Variants in CTXN2 observed in about 807,000 individuals in gnomAD.
CTXN2 encodes cortexin-2.
CTXN2 carries 3 observed loss-of-function variants against 5.7 expected under a neutral mutation model. The ratio of observed to expected loss-of-function variants is 0.53; its 90% CI spans 0.24 to 1.36. CTXN2 has a LOEUF of 1.36. CTXN2 is among the 40% of genes most tolerant of loss of function. The pLI is 0.17. For synonymous variants in CTXN2, 38 were observed against 36.4 expected (o/e 1.04, Z -0.16); for missense variants, 87 against 93.0 (o/e 0.94, Z 0.26).
chr15:48,184,515 A>G (rs552119009), intron 1 of CTXN2, among the ~76,000 whole-genome samples: 2 of 152,364 alleles, frequency 1.3e-5, no homozygotes, highest in East Asian at 3.8e-4. Context: ...AACAAAGAAG[A>G]TATGCAAATG....
intron 1 of CTXN2, among the ~76,000 whole-genome samples, chr15:48,198,542 C>T (rs1198531817): frequency 1.3e-5 from 2 of 152,096 alleles, no homozygotes; most frequent in Non-Finnish European, 2.9e-5. Flanking sequence ...GTATTATTCG[C>T]TGTATGATGG....
intron 1 of CTXN2, among the ~76,000 whole-genome samples, chr15:48,194,116 T>G (rs1278392328): frequency 6.6e-6 from 1 of 152,174 alleles, no homozygotes; most frequent in Admixed American, 6.5e-5. Flanking sequence ...TGACCTGTAT[T>G]TTGTTTTCAT....
chr15:48,196,084 A>G (rs2040876482), intron 1 of CTXN2, among the ~76,000 whole-genome samples: 1 of 152,138 alleles, frequency 6.6e-6, no homozygotes, highest in Admixed American at 6.6e-5. Context: ...ATTACTTTCT[A>G]TCATTTGCAC....
In CTXN2 at chr15:48,201,610, T is replaced by C. The variant is rs186974220; in HGVS notation, c.*64T>C. 661 of 1,501,814 alleles carry C rather than the reference T, an allele frequency of 4.4e-4. 4 individuals carry two copies. The highest frequency in any genetic ancestry group is 7.7e-5 in the Non-Finnish European group (85 of 1,108,374). 93.0% of individuals were successfully genotyped at this position (1,501,814 alleles called of 1,614,324 possible). ...GACACATTCTGGATACAATTGTAACTACCTTGAGGGTGTGGGAGAGAGGCT... is the reference window on the plus strand; with the variant it reads ...GACACATTCTGGATACAATTGTAACCACCTTGAGGGTGTGGGAGAGAGGCT... On this transcript the variant is annotated 3_prime_UTR_variant, in exon 2 of 2. Transcript: ENST00000417307.
In CTXN2 at chr15:48,202,050, C is replaced by T. The variant is rs1201677781; in HGVS notation, c.*504C>T. ...GTGAAAAAATATCTCAAAAATCTAA[C>T]ACCCAAAGCCTACAAGTAGTCACAG... On this transcript the variant is annotated 3_prime_UTR_variant, in exon 2 of 2. Transcript: ENST00000417307. 5.8e-6 allele frequency: 1 copy of T among 173,112 alleles called. No homozygotes were observed. The highest frequency in any genetic ancestry group is 2.4e-5 in the African/African-American group (1 of 41,438). 10.7% of individuals were successfully genotyped at this position (173,112 alleles called of 1,614,324 possible).
At chr15:48,184,262 A>G (rs1204858473) in intron 1 of CTXN2, among the ~76,000 whole-genome samples, 2 of 152,182 alleles carry the variant, frequency 1.3e-5, no homozygotes, top group Non-Finnish European at 2.9e-5. Flanking sequence ...CATTCAGTTT[A>G]GCTTTGCTTA....
In CTXN2 at chr15:48,201,347, A is replaced by G. The variant is rs1206133346; in HGVS notation, c.47A>G (p.Asn16Ser). 1.3e-6 allele frequency: 2 copies of G among 1,551,346 alleles called. No homozygotes were observed. Among genetic ancestry groups the G allele is most frequent in the South Asian group, 1.2e-5 (1 of 84,054 alleles). Residue 16 changes from asparagine (N) to serine (S), a missense_variant, in exon 2 of 2, where the codon AAC (asparagine) becomes AGC (serine). Coordinates refer to ENST00000417307, the MANE Select transcript of CTXN2 (RefSeq NM_001145668.2). ...AACTCTTCAGCTAAGATGAGTGTCA[A>G]CGAAGTATCAGCTTTCTCATTGACT... ...CGNSSAKMSVNEVSAFSLTLE... is the reference protein window; with the variant it reads ...CGNSSAKMSVSEVSAFSLTLE...
intron 1 of CTXN2, among the ~76,000 whole-genome samples, chr15:48,182,852 G>C (rs1282015364): frequency 6.6e-6 from 1 of 152,144 alleles, no homozygotes; most frequent in East Asian, 1.9e-4. Flanking sequence ...TGAAATATTA[G>C]GAAGAGCAGG....
chr15:48,185,554 C>CA lies in CTXN2; in HGVS notation c.-454-5897dup, dbSNP rs536288219. Reference sequence around the variant, plus strand: ...ACATAACATCACAACCATAGCACTGCAAAAAACATTTACAAAGCTAAGAAA... The same window carrying CA: ...ACATAACATCACAACCATAGCACTGCAAAAAAACATTTACAAAGCTAAGAAA... On this transcript the variant is annotated intron_variant, in intron 1 of 2. Coordinates refer to the CTXN2 transcript ENST00000644354. Among the ~76,000 whole-genome samples, 780 of 152,012 alleles carry CA rather than the reference C, an allele frequency of 5.1e-3. 6 individuals are homozygous for CA. The highest frequency in any genetic ancestry group is 0.018 in the African/African-American group (748 of 41,462).
chr15:48,178,688 A>G (rs540023120), intron 1 of CTXN2: 3 of 158,362 alleles, frequency 1.9e-5, no homozygotes, highest in African/African-American at 7.2e-5. Flanking sequence ...ATCTTTAAAG[A>G]CTTCTTGCAA....
At chr15:48,179,142 T>A (rs1425546811) in intron 1 of CTXN2, among the ~76,000 whole-genome samples, 2 of 152,118 alleles carry the variant, frequency 1.3e-5, no homozygotes, top group Non-Finnish European at 2.9e-5. Flanking sequence ...AACCGTTAAA[T>A]TTAATCAACT....
chr15:48,196,941 A>C (rs1202960391), intron 1 of CTXN2, among the ~76,000 whole-genome samples: 1 of 152,016 alleles, frequency 6.6e-6, no homozygotes, highest in Non-Finnish European at 1.5e-5. Context: ...AAATTGTCTG[A>C]AAATGAGATT....
At chr15:48,200,294 TAATTA>T (rs1158668979) in intron 1 of CTXN2, among the ~76,000 whole-genome samples, 1 of 152,198 alleles carries the variant, frequency 6.6e-6, no homozygotes, top group Non-Finnish European at 1.5e-5. Flanking sequence ...ATTATTTGAT[TAATTA>T]AATTTATCTT....
intron 1 of CTXN2, among the ~76,000 whole-genome samples, chr15:48,182,457 A>G (rs2040708102): frequency 2.0e-5 from 3 of 152,158 alleles, no homozygotes; most frequent in African/African-American, 7.2e-5. Context: ...CAAGGGTCAC[A>G]CCATTCCTGA....
At chr15:48,201,070 T>A (rs1399718938) in intron 1 of CTXN2, among the ~76,000 whole-genome samples, 174 bp from the exon 2 acceptor site, 1 of 152,196 alleles carries the variant, frequency 6.6e-6, no homozygotes, top group Non-Finnish European at 1.5e-5. Flanking sequence ...AATTACAACA[T>A]TTAGAAGTAG....
chr15:48,196,422 A>G (rs1418862594), intron 1 of CTXN2, among the ~76,000 whole-genome samples: 1 of 152,132 alleles, frequency 6.6e-6, no homozygotes, highest in East Asian at 1.9e-4. Flanking sequence ...GTCACTGTTC[A>G]AAAACACTGA....
At chr15:48,185,797 G>A (rs1025956356) in intron 1 of CTXN2, among the ~76,000 whole-genome samples, 4 of 152,150 alleles carry the variant, frequency 2.6e-5, no homozygotes, top group Admixed American at 6.5e-5. Context: ...AAGGAGGAGT[G>A]AATGGGTGTT....
At chr15:48,189,745 C>G (rs2040795936), upstream of CTXN2, among the ~76,000 whole-genome samples, 1 of 152,140 alleles carries the variant, frequency 6.6e-6, no homozygotes, top group Non-Finnish European at 1.5e-5. Flanking sequence ...ATCTCCTTTC[C>G]CACAATCTAT....
chr15:48,198,739 G>A (rs901532070), intron 1 of CTXN2, among the ~76,000 whole-genome samples: 1 of 152,132 alleles, frequency 6.6e-6, no homozygotes, highest in African/African-American at 2.4e-5. Context: ...TTAATCACTG[G>A]TTAAGAGCCA....
Sources: allele counts gnomAD v4.1 joint callset (sites outside exome capture counted in the v4.1 genomes callset), GRCh38; gene constraint gnomAD v4.1.1; transcripts MANE v1.5; gene names NCBI Gene and HGNC (gene_info 2026-07-23, HGNC 2026-07-21).